The following BIRC6 variants were observed in gnomAD, a reference collection of about 807,000 sequenced individuals.
The protein encoded by BIRC6 is baculoviral IAP repeat containing 6, also known as dual E2 ubiquitin-conjugating enzyme/E3 ubiquitin-protein ligase BIRC6.
Under a neutral mutation model 503.3 loss-of-function variants are expected in BIRC6, and 98 were observed. That is an observed-to-expected ratio of 0.19 (90% CI 0.17 to 0.23). The LOEUF (loss-of-function observed/expected upper bound fraction) is 0.23, where lower values mean the gene tolerates loss of function less well. BIRC6 is among the 10% of genes least tolerant of loss of function. BIRC6 has a pLI of 1.00. For missense variants in BIRC6, 5,360 were observed against 5,806.0 expected, an observed-to-expected ratio of 0.92 and a Z score of 2.50; for synonymous variants, 2,240 against 2,078.7, an observed-to-expected ratio of 1.08 and a Z score of -2.11.
chr2:32,508,774 A>G (rs2054075946), intron 51 of BIRC6, among the ~76,000 whole-genome samples: 1 of 152,100 alleles, frequency 6.6e-6, no homozygotes, highest in Admixed American at 6.6e-5. Context: ...GATTTTATTG[A>G]AAGTTCTGCC....
At chr2:32,602,923 C>A in intron 70 of BIRC6, 83 bp from the exon 71 acceptor site, 1 of 1,109,866 alleles carries the variant, frequency 9.0e-7, no homozygotes, top group Non-Finnish European at 1.3e-6. Context: ...GACAGGATAG[C>A]ATTTTGTTTT....
At chr2:32,500,412 C>A (rs1257102153) in intron 46 of BIRC6, among the ~76,000 whole-genome samples, 1 of 139,582 alleles carries the variant, frequency 7.2e-6, no homozygotes, top group Non-Finnish European at 1.6e-5. Flanking sequence ...TGCCACCACA[C>A]CCAGCTAATT....
chr2:32,551,719 A>G (rs970764517), intron 65 of BIRC6, among the ~76,000 whole-genome samples: 1 of 152,202 alleles, frequency 6.6e-6, no homozygotes, highest in Non-Finnish European at 1.5e-5. Context: ...ATTTTTGGCA[A>G]TGTGGGAGTT....
At chr2:32,590,326 T>C (rs536142999) in intron 66 of BIRC6, among the ~76,000 whole-genome samples, 4 of 152,344 alleles carry the variant, frequency 2.6e-5, no homozygotes, top group Admixed American at 2.6e-4. Context: ...TTAATAGTTG[T>C]GAATCTACAT....
rs115882868 is a variant in BIRC6, at chr2:32,401,654, A to C, written c.1418+31A>C. 2.7e-3 allele frequency: 4,273 copies of C among 1,568,084 alleles called. 103 individuals are homozygous for C. In the African/African-American group the frequency reaches 0.052, roughly 19 times the overall value. On this transcript the variant is annotated intron_variant, in intron 8 of 73. Coordinates refer to ENST00000421745, the MANE Select transcript of BIRC6 (RefSeq NM_016252.4). ...TGAGTTTGTTTTAGTAGTATTTAAT[A>C]GATGTTACATGTTTTCCTAAATTTT...
intron 15 of BIRC6, 57 bp downstream of exon 15, chr2:32,436,241 C>CA: frequency 3.9e-6 from 5 of 1,284,720 alleles, no homozygotes; most frequent in Non-Finnish European, 4.0e-6. Context: ...GTAAAAAAGA[C>CA]GAAAAAAAAC....
chr2:32,603,043 C>T lies in BIRC6; in HGVS notation c.14030C>T (p.Pro4677Leu). 6.2e-7 allele frequency: 1 copy of T among 1,611,416 alleles called. No individual in the cohort carries two copies. The highest frequency in any genetic ancestry group is 8.5e-7 in the Non-Finnish European group (1 of 1,178,994). The change falls in exon 71 of 74, where the codon CCA (proline) becomes CTA (leucine). Residue 4677 changes from proline to leucine, a missense_variant. Transcript: ENST00000421745. The part of the protein sequence containing the change: ...LSILNTWHGR[P>L]EEKWNPQTSS... ...ATCTTAAACACGTGGCATGGAAGAC[C>T]AGAAGAGAAGTGGAATCCTCAGACC...
At chr2:32,566,444 C>T (rs891033695) in intron 65 of BIRC6, 2 of 152,204 alleles carry the variant, frequency 1.3e-5, no homozygotes, top group Admixed American at 6.5e-5. Context: ...CCTCGACCTC[C>T]TGGACTCAAG....
chr2:32,542,526 T>C (rs1010317506), intron 61 of BIRC6, among the ~76,000 whole-genome samples: 2 of 152,204 alleles, frequency 1.3e-5, no homozygotes, highest in African/African-American at 4.8e-5. Context: ...TATTTTTCCT[T>C]ATAGCTTGGT....
rs892244514 is a variant in BIRC6 at position 32,508,217 on chromosome 2, A to G, written c.9938A>G (p.Asn3313Ser). ...AFGTTSSATV[N>S]NPFLPSEDQV... ...GGTACCACCTCTTCTGCAACAGTTA[A>G]TAATCCATTCCTTCCATCTGAAGAT... Residue 3313 changes from asparagine (N) to serine (S), a missense_variant, in exon 51 of 74, where the codon AAT becomes AGT. Physicochemically the swap from Asn to Ser is conservative, Grantham distance 46. Coordinates refer to ENST00000421745, the MANE Select transcript of BIRC6 (RefSeq NM_016252.4). 7.5e-6 allele frequency: 12 copies of G among 1,609,980 alleles called. No homozygotes were observed. In the African/African-American group the frequency reaches 1.6e-4, roughly 22 times the overall value.
At chr2:32,428,487 C>A (rs776802236) in intron 10 of BIRC6, among the ~76,000 whole-genome samples, 1 of 152,286 alleles carries the variant, frequency 6.6e-6, no homozygotes, top group East Asian at 1.9e-4. Flanking sequence ...CACTGCTTAC[C>A]TCACCCTCGT....
At chr2:32,431,424 G>A (rs557456862) in intron 12 of BIRC6, among the ~76,000 whole-genome samples, 1 of 152,036 alleles carries the variant, frequency 6.6e-6, no homozygotes, top group South Asian at 2.1e-4. Context: ...CCGAACTCCT[G>A]ATCTCAGGTG....
At chr2:32,517,460 A>G (rs1004655243) in intron 55 of BIRC6, among the ~76,000 whole-genome samples, 2 of 152,234 alleles carry the variant, frequency 1.3e-5, no homozygotes, top group Admixed American at 6.5e-5. Context: ...TAAATTACCA[A>G]CTTCACCCGA....
At chr2:32,521,789 A>G (rs1572788224) in intron 57 of BIRC6, 1 of 152,088 alleles carries the variant, frequency 6.6e-6, no homozygotes, top group East Asian at 1.9e-4. Flanking sequence ...CGACAATATT[A>G]CTTTCAAATA....
rs1000615490 is a variant in BIRC6 at position 32,467,937 on chromosome 2, C to G, written c.5606C>G (p.Ala1869Gly). 1.2e-6 allele frequency: 2 copies of G among 1,613,386 alleles called. No homozygotes were observed. Among genetic ancestry groups the G allele is most frequent in the Non-Finnish European group, 1.7e-6 (2 of 1,179,656 alleles). ...ATTGGACGTTACGGGAGTACAAATG[C>G]CAGAGCCAAAATCCCATTAGGATTT... is the stretch of plus-strand genomic sequence containing the variant. ...TVIGRYGSTN[A>G]RAKIPLGFYY... Residue 1869 changes from alanine to glycine, a missense_variant, in exon 28 of 74, where the codon GCC (alanine) becomes GGC (glycine). Ala to Gly is a moderately conservative substitution (Grantham distance 60). Around this residue, in one of 16 missense-constraint regions of BIRC6, gnomAD observed 2,299 missense variants for 2,267.2 expected, o/e 1.01. Transcript: ENST00000421745.
chr2:32,369,965 T>A (rs1277873934), intron 1 of BIRC6, among the ~76,000 whole-genome samples: 4 of 58,104 alleles, frequency 6.9e-5, no homozygotes, highest in African/African-American at 1.8e-4. Context: ...TATATATATA[T>A]ATATATATAT....
At chr2:32,587,722 T>C (rs1001680572) in intron 66 of BIRC6, among the ~76,000 whole-genome samples, 10 of 152,164 alleles carry the variant, frequency 6.6e-5, no homozygotes, top group Non-Finnish European at 1.0e-4. Flanking sequence ...AGAATCTATC[T>C]CAGAAAAATA....
chr2:32,386,710 G>T (rs1479794140), intron 3 of BIRC6, among the ~76,000 whole-genome samples: 1 of 152,112 alleles, frequency 6.6e-6, no homozygotes, highest in Non-Finnish European at 1.5e-5. Flanking sequence ...AAAGTGCTAG[G>T]ATTATAGGTA....
Position 32,444,755 on chromosome 2 carries a change from A to G in BIRC6, c.4337-766A>G, listed in dbSNP as rs576293646. ...CATAAAGATTTCATCTTTGTGTTAA[A>G]CAAAAAAAATGCTTGTTTAGAGTTG... On this transcript the variant is annotated intron_variant, in intron 20 of 73. Transcript: ENST00000421745. Among the ~76,000 whole-genome samples, 17 of 152,276 alleles carry G rather than the reference A, an allele frequency of 1.1e-4. No homozygotes were observed. In the East Asian group the frequency reaches 2.9e-3, roughly 26 times the overall value.
Sources: allele counts gnomAD v4.1 joint callset (sites outside exome capture counted in the v4.1 genomes callset), GRCh38; gene constraint gnomAD v4.1.1; regional missense constraint gnomAD v4.1.1; transcripts MANE v1.5; gene names NCBI Gene and HGNC (gene_info 2026-07-23, HGNC 2026-07-21).